The following PCDH9 variants were observed in gnomAD, a reference collection of about 807,000 sequenced individuals.
PCDH9 encodes protocadherin-9.
Under a neutral mutation model 70.6 loss-of-function variants are expected in PCDH9, and 24 were observed. The ratio of observed to expected loss-of-function variants is 0.34; its 90% CI spans 0.25 to 0.48. The LOEUF is 0.48. PCDH9 is among the 20% of genes least tolerant of loss of function. PCDH9 has a pLI of 0.99. For synonymous variants in PCDH9, 562 were observed against 558.5 expected (o/e 1.01, Z -0.09); for missense variants, 1,281 against 1,503.6 (o/e 0.85, Z 2.45).
chr13:66,596,812 CAA>C (rs549340864), intron 4 of PCDH9, among the ~76,000 whole-genome samples: 1 of 138,294 alleles, frequency 7.2e-6, no homozygotes, highest in African/African-American at 2.6e-5. Context: ...TTTTATAATA[CAA>C]AAAAAAAAAC....
At chr13:66,618,025 T>C (rs1282498315) in intron 4 of PCDH9, among the ~76,000 whole-genome samples, 1 of 152,062 alleles carries the variant, frequency 6.6e-6, no homozygotes, top group Non-Finnish European at 1.5e-5. Flanking sequence ...GAAGTTCATG[T>C]TTGTAGCAGA....
intron 3 of PCDH9, among the ~76,000 whole-genome samples, chr13:66,667,645 A>G (rs909702772): frequency 1.3e-5 from 2 of 152,138 alleles, no homozygotes; most frequent in African/African-American, 2.4e-5. Flanking sequence ...CTCTGTCTAC[A>G]CATAAAAATT....
At chr13:67,074,797 A>G (rs1165825926) in intron 2 of PCDH9, among the ~76,000 whole-genome samples, 1 of 152,182 alleles carries the variant, frequency 6.6e-6, no homozygotes, top group African/African-American at 2.4e-5. Context: ...AGCATGTAGA[A>G]TTATTAGTAT....
rs1481609363 is a variant in PCDH9, at chr13:67,227,677, C to A, written c.764G>T (p.Gly255Val). ...CTCTGGAATATGCACCTCCACTTGA[C>A]CCTCTTTAAACACTGGCCTGTTGTC... The part of the protein sequence containing the change: ...VNDNRPVFKE[G>V]QVEVHIPENA... The change falls in exon 2 of 5, where the codon GGT becomes GTT. Residue 255 changes from glycine (G) to valine (V), a missense_variant. Physicochemically the swap from Gly to Val is moderately radical, Grantham distance 109 (BLOSUM62 -3). Transcript: ENST00000377865. The surrounding 1 kb of genome is among the most constrained non-coding windows in gnomAD (Gnocchi z 4.6). The A allele has an allele frequency of 6.2e-7, 1 of 1,613,822 alleles. No individual in the cohort carries two copies. The highest frequency in any genetic ancestry group is 8.5e-7 in the Non-Finnish European group (1 of 1,179,744).
At chr13:66,755,943 A>G (rs2079532800) in intron 3 of PCDH9, among the ~76,000 whole-genome samples, 1 of 152,208 alleles carries the variant, frequency 6.6e-6, no homozygotes, top group Non-Finnish European at 1.5e-5. Context: ...GTGCATTTCA[A>G]AATCGTTTGC....
At chr13:66,461,540 C>T (rs1958425392) in intron 4 of PCDH9, among the ~76,000 whole-genome samples, 1 of 149,628 alleles carries the variant, frequency 6.7e-6, no homozygotes, top group South Asian at 2.1e-4. Context: ...TCCATATTAT[C>T]AACTCTGCAA....
At chr13:66,350,466 T>G (rs190275268) in intron 4 of PCDH9, among the ~76,000 whole-genome samples, 1 of 152,228 alleles carries the variant, frequency 6.6e-6, no homozygotes, top group East Asian at 1.9e-4. Context: ...GGTACTGGAG[T>G]CTTACAGGCT....
At chr13:66,681,680 AAG>A (rs2078322060) in intron 3 of PCDH9, among the ~76,000 whole-genome samples, 1 of 151,910 alleles carries the variant, frequency 6.6e-6, no homozygotes, top group African/African-American at 2.4e-5. Context: ...TTTATCATCC[AAG>A]TCTCATTAAA....
At chr13:66,982,622 C>T (rs1410497668) in intron 2 of PCDH9, among the ~76,000 whole-genome samples, 2 of 152,176 alleles carry the variant, frequency 1.3e-5, no homozygotes, top group Non-Finnish European at 2.9e-5. Flanking sequence ...TCTACCAAGT[C>T]TTCCTCTCAG....
intron 3 of PCDH9, among the ~76,000 whole-genome samples, chr13:66,848,927 C>CAAAAA (rs745587776): frequency 1.9e-4 from 10 of 51,290 alleles, no homozygotes; most frequent in South Asian, 6.3e-4. Flanking sequence ...GACTCCGTCT[C>CAAAAA]AAAAAAAAAA....
At chr13:66,641,311 A>G (rs547667542) in intron 3 of PCDH9, among the ~76,000 whole-genome samples, 4 of 152,366 alleles carry the variant, frequency 2.6e-5, no homozygotes, top group East Asian at 1.9e-4. Flanking sequence ...AGACAGCCAT[A>G]TAACTATTAA....
intron 3 of PCDH9, among the ~76,000 whole-genome samples, chr13:66,763,893 G>A (rs1374137621): frequency 6.6e-6 from 1 of 151,920 alleles, no homozygotes; most frequent in Non-Finnish European, 1.5e-5. Flanking sequence ...CCGCCTCCTG[G>A]ATTCAAGCAA....
intron 2 of PCDH9, among the ~76,000 whole-genome samples, chr13:66,953,738 G>C (rs978095132): frequency 3.3e-5 from 5 of 152,100 alleles, no homozygotes; most frequent in African/African-American, 9.7e-5. Context: ...GTATATGTGT[G>C]AAATAGCTTT....
At chr13:67,091,940 A>C (rs2086226897) in intron 2 of PCDH9, among the ~76,000 whole-genome samples, 1 of 152,084 alleles carries the variant, frequency 6.6e-6, no homozygotes, top group African/African-American at 2.4e-5. Flanking sequence ...TGCTTTTTCA[A>C]ATTGTTTTAT....
At chr13:66,806,371 TA>T (rs1156721344) in intron 3 of PCDH9, among the ~76,000 whole-genome samples, 2 of 152,142 alleles carry the variant, frequency 1.3e-5, no homozygotes, top group Non-Finnish European at 2.9e-5. Context: ...GATATTTGAA[TA>T]TATACAATCA....
At chr13:66,376,101 C>T (rs2440612) in intron 4 of PCDH9, among the ~76,000 whole-genome samples, 6 of 151,972 alleles carry the variant, frequency 3.9e-5, no homozygotes, top group Admixed American at 1.3e-4. Context: ...AAATTCCGTG[C>T]CCCCAGATTT....
intron 2 of PCDH9, chr13:67,214,952 A>ATATATATATATATATATG (rs1566500773): frequency 5.9e-5 from 4 of 68,278 alleles, no homozygotes; most frequent in Admixed American, 3.7e-4. Flanking sequence ...ATATATATAT[A>ATATATATATATATATATG]TATATATATA....
At chr13:66,967,704 A>C (rs1279981280) in intron 2 of PCDH9, among the ~76,000 whole-genome samples, 1 of 152,076 alleles carries the variant, frequency 6.6e-6, no homozygotes, top group Non-Finnish European at 1.5e-5. Flanking sequence ...AATCAGACTA[A>C]GTATTTTGAC....
At chr13:66,746,278 C>T (rs950202504) in intron 3 of PCDH9, among the ~76,000 whole-genome samples, 2 of 152,142 alleles carry the variant, frequency 1.3e-5, no homozygotes, top group Non-Finnish European at 2.9e-5. Flanking sequence ...TGTGTTTTAA[C>T]TGAGATTAAC....
Sources: gnomAD v4.1 joint callset for allele counts (sites outside exome capture counted in the v4.1 genomes callset) on GRCh38, gnomAD v4.1.1 for gene constraint, Gnocchi (gnomAD v3.1) non-coding constraint, MANE v1.5 for transcripts, NCBI Gene and HGNC (gene_info 2026-07-23, HGNC 2026-07-21) for gene names.